Variants in AGPAT3 observed in about 807,000 individuals in gnomAD.
AGPAT3 encodes the protein 1-acyl-sn-glycerol-3-phosphate acyltransferase gamma.
In AGPAT3, 5 loss-of-function variants were observed where a neutral mutation model predicts 47.3. The observed-to-expected ratio is 0.11, with a 90% confidence interval of 0.06 to 0.22. The LOEUF (loss-of-function observed/expected upper bound fraction) is 0.22. AGPAT3 is among the 10% of genes least tolerant of loss of function. The pLI is 1.00. For synonymous variants in AGPAT3, 212 were observed against 208.3 expected (o/e 1.02, Z -0.15); for missense variants, 315 against 493.0 (o/e 0.64, Z 3.42).
chr21:43,911,854 T>C (rs926452870), intron 2 of AGPAT3, among the ~76,000 whole-genome samples: 1 of 152,238 alleles, frequency 6.6e-6, no homozygotes, highest in Non-Finnish European at 1.5e-5. Context: ...TGACCATGCC[T>C]AGTCACGAGG....
intron 7 of AGPAT3, 41 bp downstream of exon 7, chr21:43,971,531 C>G: frequency 6.3e-7 from 1 of 1,590,466 alleles, no homozygotes; most frequent in Non-Finnish European, 8.6e-7. Context: ...CCCCCCATAC[C>G]TTCATGAGCT....
rs115999771 is a variant in AGPAT3, at chr21:43,933,799, A to G, written c.-48-25835A>G. On this transcript the variant is annotated intron_variant, in intron 2 of 9. Coordinates refer to ENST00000291572, the MANE Select transcript of AGPAT3 (RefSeq NM_020132.5). The surrounding 1 kb of genome is among the most constrained non-coding windows in gnomAD (Gnocchi z 6.0). ...CCATCCAAGCACAGGCCCAAGCACC[A>G]GCTGCAAGAGCCAGAGGACGGCACT... Among the ~76,000 whole-genome samples, 939 of 152,170 alleles carry G rather than the reference A, an allele frequency of 6.2e-3. 7 individuals are homozygous for G. The highest frequency in any genetic ancestry group is 0.024 in the Middle Eastern group (7 of 294).
intron 1 of AGPAT3, among the ~76,000 whole-genome samples, chr21:43,894,834 C>T (rs2145956890): frequency 6.6e-6 from 1 of 152,230 alleles, no homozygotes; most frequent in South Asian, 2.1e-4. Context: ...CATCAGTGGC[C>T]TCTGATTTTA....
intron 2 of AGPAT3, among the ~76,000 whole-genome samples, chr21:43,958,398 C>T (rs956593099): frequency 8.0e-5 from 12 of 150,540 alleles, no homozygotes; most frequent in South Asian, 2.1e-4. Context: ...TGCAGCAGTG[C>T]GTGTGGGATG....
intron 2 of AGPAT3, among the ~76,000 whole-genome samples, chr21:43,929,817 G>A (rs1228680305): frequency 6.6e-6 from 1 of 152,370 alleles, no homozygotes; most frequent in East Asian, 1.9e-4. Context: ...TTGAGGTCCT[G>A]CCTGTGTCAC....
Position 43,865,237 on chromosome 21 carries a change from C to T in AGPAT3, c.-220C>T, listed in dbSNP as rs1320495490. 2.0e-5 allele frequency: 3 copies of T among 147,178 alleles called. No homozygotes were observed. The highest frequency in any genetic ancestry group is 7.3e-5 in the African/African-American group (3 of 40,824). The allele number at this position is 147,178 out of a possible 1,614,324, so 9.1% of individuals were successfully genotyped here. On this transcript the variant is annotated 5_prime_UTR_variant, in exon 1 of 10. Transcript: ENST00000291572. ...GCGGGCGCCGCACTCGCTGAGGCCC[C>T]GACGCAGGGCCGGGCCGGGCCCAGG...
In AGPAT3 at chr21:43,952,188, G is replaced by A. The variant is rs141496598; in HGVS notation, c.-48-7446G>A. 6.2e-4 allele frequency among the ~76,000 whole-genome samples: 94 copies of A among 152,212 alleles called. No individual in the cohort carries two copies. The highest frequency in any genetic ancestry group is 3.7e-3 in the South Asian group (18 of 4,818). On this transcript the variant is annotated intron_variant, in intron 2 of 9. Transcript: ENST00000291572. The surrounding 1 kb of genome is among the most constrained non-coding windows in gnomAD (Gnocchi z 5.6). ...GGGGCTGCAGCTGCAGGCTTTTGTC[G>A]TCCTGTGGTCCTGGAGGCTGCAGGT...
At chr21:43,886,366 G>A (rs2085978558) in intron 1 of AGPAT3, among the ~76,000 whole-genome samples, 1 of 152,102 alleles carries the variant, frequency 6.6e-6, no homozygotes, top group African/African-American at 2.4e-5. Flanking sequence ...TGATTCTCAT[G>A]CCTCAGTCTC....
At chr21:43,883,938 C>T (rs1381512393) in intron 1 of AGPAT3, among the ~76,000 whole-genome samples, 7 of 152,220 alleles carry the variant, frequency 4.6e-5, no homozygotes, top group South Asian at 2.1e-4. Context: ...CCATGTTGGT[C>T]GGGCTGGTCT....
chr21:43,956,752 C>T (rs1022181856), intron 2 of AGPAT3, among the ~76,000 whole-genome samples: 16 of 152,184 alleles, frequency 1.1e-4, no homozygotes, highest in Non-Finnish European at 2.2e-4. Flanking sequence ...GGGCCTGCCT[C>T]CCAGGTGGCC....
At chr21:43,968,327 G>A (rs1352336738) in intron 4 of AGPAT3, among the ~76,000 whole-genome samples, 4 of 150,390 alleles carry the variant, frequency 2.7e-5, no homozygotes, top group African/African-American at 9.8e-5. Context: ...GTGAGTGGGG[G>A]GTCCCAGGGA....
intron 2 of AGPAT3, chr21:43,916,517 A>G (rs1262372330): frequency 7.2e-6 from 1 of 138,176 alleles, no homozygotes; most frequent in Non-Finnish European, 1.6e-5. Flanking sequence ...CTGATATTTT[A>G]TTGTCTAATA....
chr21:43,961,418 C>G (rs57891536), intron 3 of AGPAT3, among the ~76,000 whole-genome samples: 1 of 92,742 alleles, frequency 1.1e-5, no homozygotes, highest in Non-Finnish European at 2.3e-5. Flanking sequence ...ATATGGGAAA[C>G]GGTGAGCGCA....
intron 1 of AGPAT3, among the ~76,000 whole-genome samples, chr21:43,878,340 C>T (rs1038810589): frequency 5.3e-5 from 8 of 152,354 alleles, no homozygotes; most frequent in African/African-American, 1.9e-4. Context: ...TAATGCACAA[C>T]GGAGTCACGT....
rs764533647 is a variant in AGPAT3, at chr21:43,934,382, C to T, written c.-48-25252C>T. On this transcript the variant is annotated intron_variant, in intron 2 of 9. Transcript: ENST00000291572. This position sits in a 1 kb window ranked among gnomAD's most constrained non-coding sequence, Gnocchi z 4.7. ...GAGATGGTGACTTCATAAGAGGCCA[C>T]AGAGGCTCCGCAAGTCCCCAGGCCG... Among the ~76,000 whole-genome samples the T allele has an allele frequency of 3.9e-5, 6 of 152,364 alleles. No individual in the cohort carries two copies. The South Asian group carries it at 1.2e-3, about 32-fold the overall frequency.
chr21:43,985,785 TCTGGCCTGTGGCTCACTGCATGCAGCCC>T lies in AGPAT3; in HGVS notation c.*3399_*3426del. ...CATGCGTAGACTCCCGCTGCAGGCC[TCTGGCCTGTGGCTCACTGCATGCAGCCC>T]CTGGCGTGCAATACTAGTGCTCCAC... On this transcript the variant is annotated 3_prime_UTR_variant, in exon 10 of 10. Coordinates refer to ENST00000291572, the MANE Select transcript of AGPAT3 (RefSeq NM_020132.5). The T allele has an allele frequency of 6.3e-6, 1 of 158,396 alleles. No homozygotes were observed. Among genetic ancestry groups the T allele is most frequent in the African/African-American group, 2.4e-5 (1 of 41,640 alleles). 9.8% of individuals were successfully genotyped at this position (158,396 alleles called of 1,614,324 possible). A position where few individuals can be genotyped will look rare whatever the true frequency, so the allele number is the denominator to read the frequency against.
At position 43,982,213 on chromosome 21, in the gene AGPAT3, G is replaced by C; in HGVS notation, c.1043-91G>C. ...GTGCGGGGCAGAGGGACAGGGTCTG[G>C]GGCAGAGGAAGGAAGCCCCAGTAAC... is the stretch of plus-strand genomic sequence containing the variant. On this transcript the variant is annotated intron_variant, in intron 9 of 9. Coordinates refer to ENST00000291572, the MANE Select transcript of AGPAT3 (RefSeq NM_020132.5). The surrounding 1 kb of genome is among the most constrained non-coding windows in gnomAD (Gnocchi z 6.2). The C allele has an allele frequency of 1.1e-6, 1 of 949,972 alleles. No homozygotes were observed. Among genetic ancestry groups the C allele is most frequent in the South Asian group, 1.4e-5 (1 of 71,858 alleles). 58.8% of individuals were successfully genotyped at this position (949,972 alleles called of 1,614,324 possible). A position where few individuals can be genotyped will look rare whatever the true frequency, so the allele number is the denominator to read the frequency against.
intron 2 of AGPAT3, among the ~76,000 whole-genome samples, chr21:43,940,195 C>T (rs577439068): frequency 1.3e-5 from 2 of 152,276 alleles, no homozygotes; most frequent in Non-Finnish European, 2.9e-5. Flanking sequence ...CTGACACCTG[C>T]TCCCCGCAGG....
chr21:43,980,286 A>AC (rs1569110304), intron 8 of AGPAT3, among the ~76,000 whole-genome samples: 1 of 149,128 alleles, frequency 6.7e-6, no homozygotes. Flanking sequence ...AAAAAAAAAA[A>AC]AAAAACAAAA....
Sources: gnomAD v4.1 joint callset for allele counts (sites outside exome capture counted in the v4.1 genomes callset) on GRCh38, gnomAD v4.1.1 for gene constraint, Gnocchi (gnomAD v3.1) non-coding constraint, MANE v1.5 for transcripts, NCBI Gene and HGNC (gene_info 2026-07-23, HGNC 2026-07-21) for gene names.